Variants in MAGI2 observed in about 807,000 individuals in gnomAD.
MAGI2 encodes membrane associated guanylate kinase, WW and PDZ domain containing 2.
A neutral mutation model predicts 133.3 loss-of-function variants in MAGI2; 35 were observed. The observed-to-expected ratio is 0.26, with a 90% CI of 0.20 to 0.35. The LOEUF is 0.35. MAGI2 is among the 10% of genes least tolerant of loss of function. MAGI2 has a pLI of 1.00. For missense variants in MAGI2, 1,636 were observed against 1,863.4 expected (o/e 0.88, Z 2.25); for synonymous variants, 729 against 710.6 (o/e 1.03, Z -0.41).
At chr7:78,840,684 T>C (rs1792056998) in intron 2 of MAGI2, among the ~76,000 whole-genome samples, 1 of 152,034 alleles carries the variant, frequency 6.6e-6, no homozygotes, top group African/African-American at 2.4e-5. Flanking sequence ...AATTTGTAGG[T>C]GAATGTTACC....
chr7:79,025,174 T>TAA (rs5885108), intron 1 of MAGI2, among the ~76,000 whole-genome samples: 1 of 151,900 alleles, frequency 6.6e-6, no homozygotes, highest in South Asian at 2.1e-4. Flanking sequence ...CATGCAGCCA[T>TAA]AAAAAAATGA....
intron 12 of MAGI2, 122 bp from the exon 13 acceptor site, chr7:78,185,792 C>CTTTT: frequency 8.0e-6 from 5 of 628,848 alleles, no homozygotes; most frequent in Non-Finnish European, 1.3e-5. Flanking sequence ...ATGTTTAAGA[C>CTTTT]TTTTTTTTTC....
At chr7:78,579,875 C>G (rs1802656270) in intron 3 of MAGI2, among the ~76,000 whole-genome samples, 1 of 152,164 alleles carries the variant, frequency 6.6e-6, no homozygotes, top group Admixed American at 6.5e-5. Context: ...GTCTAAACTA[C>G]CCACTTGTCT....
At chr7:78,463,553 C>A (rs565280986) in intron 6 of MAGI2, among the ~76,000 whole-genome samples, 1 of 152,288 alleles carries the variant, frequency 6.6e-6, no homozygotes, top group South Asian at 2.1e-4. Context: ...GTACAGCCCT[C>A]ATAGCAATTA....
At chr7:79,448,802 A>G (rs1012257086) in intron 1 of MAGI2, among the ~76,000 whole-genome samples, 3 of 152,186 alleles carry the variant, frequency 2.0e-5, no homozygotes, top group African/African-American at 7.2e-5. Flanking sequence ...GAAAGTGAGC[A>G]TAATAAACAT....
intron 3 of MAGI2, among the ~76,000 whole-genome samples, chr7:78,564,618 A>G (rs530211724): frequency 6.6e-6 from 1 of 152,228 alleles, no homozygotes; most frequent in Admixed American, 6.5e-5. Context: ...CGTCTCTTAT[A>G]TAACTGTGAT....
chr7:78,603,477 C>T (rs1386624065), intron 3 of MAGI2, among the ~76,000 whole-genome samples: 3 of 152,164 alleles, frequency 2.0e-5, no homozygotes, highest in Admixed American at 2.0e-4. Flanking sequence ...TGGATTAAAA[C>T]ATTCAAGATT....
chr7:79,324,440 C>CATAT lies in MAGI2; in HGVS notation c.301+128576_301+128579dup, dbSNP rs368012477. 9.8e-5 allele frequency among the ~76,000 whole-genome samples: 2 copies of CATAT among 20,342 alleles called. 1 individual carries two copies. Among genetic ancestry groups the CATAT allele is most frequent in the Non-Finnish European group, 3.0e-4 (2 of 6,726 alleles). The allele number at this position is 20,342 out of a possible 152,430, so 13.3% of individuals were successfully genotyped here. Reference sequence around the variant, plus strand: ...CTATCTATAACCATATATATATAACCATATATATATGGTTATAGATAGATA... The same window carrying CATAT: ...CTATCTATAACCATATATATATAACCATATATATATATATGGTTATAGATAGATA... On this transcript the variant is annotated intron_variant, in intron 1 of 21. Coordinates refer to ENST00000354212, the MANE Select transcript of MAGI2 (RefSeq NM_012301.4).
chr7:78,157,441 A>T (rs1286278252), intron 16 of MAGI2, among the ~76,000 whole-genome samples: 1 of 152,194 alleles, frequency 6.6e-6, no homozygotes, highest in African/African-American at 2.4e-5. Context: ...TTGTTTTCCA[A>T]ATCTACTTAT....
intron 6 of MAGI2, among the ~76,000 whole-genome samples, chr7:78,419,544 G>C (rs532258420): frequency 6.6e-6 from 1 of 151,530 alleles, no homozygotes; most frequent in East Asian, 2.0e-4. Flanking sequence ...GAAGCTGAAA[G>C]AGCTGATTTG....
At chr7:78,329,638 C>T (rs798314) in intron 9 of MAGI2, among the ~76,000 whole-genome samples, 73,949 of 152,018 alleles carry the variant, frequency 0.49, 18,402 homozygotes, top group Non-Finnish European at 0.53. Flanking sequence ...ATCTTACCCT[C>T]CTCAGACTTT....
chr7:78,324,388 C>G (rs1456066984), intron 9 of MAGI2, among the ~76,000 whole-genome samples: 2 of 152,170 alleles, frequency 1.3e-5, no homozygotes, highest in Non-Finnish European at 2.9e-5. Flanking sequence ...GTTGACTGTT[C>G]TCCTGGAAGG....
intron 9 of MAGI2, among the ~76,000 whole-genome samples, chr7:78,312,544 G>A (rs1334882487): frequency 6.6e-6 from 1 of 151,958 alleles, no homozygotes; most frequent in Non-Finnish European, 1.5e-5. Context: ...AAAATAAATA[G>A]CCCCATAAAG....
chr7:79,062,703 C>G (rs1451832458), intron 1 of MAGI2, among the ~76,000 whole-genome samples: 2 of 151,984 alleles, frequency 1.3e-5, no homozygotes, highest in African/African-American at 4.8e-5. Flanking sequence ...CCAGGTGCAT[C>G]CATGCACCTC....
chr7:78,914,486 G>T (rs572568116), intron 2 of MAGI2, among the ~76,000 whole-genome samples: 1 of 152,138 alleles, frequency 6.6e-6, no homozygotes, highest in Non-Finnish European at 1.5e-5. Flanking sequence ...TATAATGTTT[G>T]TGTGAAATAA....
At chr7:79,313,732 T>C (rs1397347284) in intron 1 of MAGI2, among the ~76,000 whole-genome samples, 1 of 152,110 alleles carries the variant, frequency 6.6e-6, no homozygotes, top group East Asian at 1.9e-4. Flanking sequence ...ACTAATAAGA[T>C]AAATGTTCAT....
At chr7:79,069,530 A>C (rs1293243898) in intron 1 of MAGI2, among the ~76,000 whole-genome samples, 2 of 5,562 alleles carry the variant, frequency 3.6e-4, no homozygotes, top group Non-Finnish European at 6.8e-4. Context: ...CAACACACCG[A>C]TGGGTCTTGA....
At chr7:78,494,184 C>T (rs762872740) in intron 5 of MAGI2, among the ~76,000 whole-genome samples, 1 of 151,926 alleles carries the variant, frequency 6.6e-6, no homozygotes, top group Non-Finnish European at 1.5e-5. Flanking sequence ...GGTCAAATTC[C>T]TGAGCTCAAG....
chr7:78,248,783 T>C (rs798361), intron 10 of MAGI2, among the ~76,000 whole-genome samples: 107,693 of 151,986 alleles, frequency 0.71, 39,209 homozygotes, highest in African/African-American at 0.88. Flanking sequence ...GTAAAACATG[T>C]GGAGATACTT....
Sources: allele counts gnomAD v4.1 joint callset (sites outside exome capture counted in the v4.1 genomes callset), GRCh38; gene constraint gnomAD v4.1.1; transcripts MANE v1.5; gene names NCBI Gene and HGNC (gene_info 2026-07-23, HGNC 2026-07-21).